The following DHRSX variants were observed in gnomAD, a reference collection of about 807,000 sequenced individuals.
DHRSX encodes the protein dehydrogenase/reductase X-linked, also known as polyprenol dehydrogenase.
In DHRSX, 31 loss-of-function variants were observed where a neutral mutation model predicts 34.0. That is an observed-to-expected ratio of 0.91 (90% CI 0.69 to 1.23). The LOEUF is 1.23. Among genes scored for constraint, DHRSX ranks in the 50% most tolerant of loss-of-function variants. The pLI is 0.00. For missense variants in DHRSX, 414 were observed against 428.1 expected, an observed-to-expected ratio of 0.97 and a Z score of 0.29; for synonymous variants, 201 against 183.8, an observed-to-expected ratio of 1.09 and a Z score of -0.76.
At position 2,412,671 on chromosome X, in the gene DHRSX, A is replaced by G. The variant is rs2043646776; in HGVS notation, c.218-3858T>C. On this transcript the variant is annotated intron_variant, in intron 2 of 6. Coordinates refer to ENST00000334651, the MANE Select transcript of DHRSX (RefSeq NM_145177.3). ...CAGCATGATTCACAAGAGCCAAGAT[A>G]TGAAACCAACCTAAGTGTCCATCTA... Among the ~76,000 whole-genome samples, 7 of 152,302 alleles carry G rather than the reference A, an allele frequency of 4.6e-5. 1 individual carries two copies. In the South Asian group the frequency reaches 1.5e-3, roughly 32 times the overall value.
chrX:2,439,143 T>A (rs1353987109), intron 1 of DHRSX, among the ~76,000 whole-genome samples: 1 of 147,084 alleles, frequency 6.8e-6, no homozygotes, highest in African/African-American at 2.5e-5. Context: ...GAGACTTTTT[T>A]GTCTCAAAAA....
intron 4 of DHRSX, among the ~76,000 whole-genome samples, chrX:2,274,272 A>T (rs2041595439): frequency 6.6e-6 from 1 of 151,802 alleles, no homozygotes; most frequent in African/African-American, 2.4e-5. Flanking sequence ...TCCTAATCTC[A>T]ACTGATCCTC....
At chrX:2,446,953 C>T (rs1020271263) in intron 1 of DHRSX, among the ~76,000 whole-genome samples, 3 of 151,858 alleles carry the variant, frequency 2.0e-5, no homozygotes, top group South Asian at 2.1e-4. Flanking sequence ...AAGCCATGTA[C>T]GCACTAAAGA....
chrX:2,399,978 G>T (rs931183194), intron 3 of DHRSX, among the ~76,000 whole-genome samples: 10 of 152,114 alleles, frequency 6.6e-5, no homozygotes, highest in Non-Finnish European at 1.5e-4. Context: ...TGAGGCTGCA[G>T]TGAGCTATGA....
At chrX:2,435,411 T>C (rs2043979796) in intron 1 of DHRSX, among the ~76,000 whole-genome samples, 3 of 151,950 alleles carry the variant, frequency 2.0e-5, no homozygotes, top group Non-Finnish European at 4.4e-5. Flanking sequence ...CTATTATTTC[T>C]TACAACTGCT....
chrX:2,386,127 A>G (rs991856978), intron 3 of DHRSX, among the ~76,000 whole-genome samples: 2 of 152,056 alleles, frequency 1.3e-5, no homozygotes, highest in East Asian at 1.9e-4. Flanking sequence ...ATTGTCCTTG[A>G]TGGTTTGGAA....
rs763780942 is a variant in DHRSX, at chrX:2,266,885, T to C, written c.451A>G (p.Asn151Asp). 2 of 1,613,940 alleles carry C rather than the reference T, an allele frequency of 1.2e-6. No individual in the cohort carries two copies. The highest frequency in any genetic ancestry group is 3.3e-5 in the Admixed American group (2 of 60,002). The part of the protein sequence containing the change: ...RDGFEEHFGL[N>D]YLGHFLLTNL... ...GTCAGCAGGAAGTGCCCTAGGTAGT[T>C]CAGGCCGAAATGTTCTTCGAATCCA... Residue 151 changes from asparagine (N) to aspartate (D), a missense_variant, in exon 5 of 7, where the codon AAC becomes GAC. By Grantham distance (23) the Asn-to-Asp change is conservative. Transcript: ENST00000334651.
intron 1 of DHRSX, among the ~76,000 whole-genome samples, chrX:2,469,203 A>G (rs1214803528): frequency 6.6e-6 from 1 of 151,360 alleles, no homozygotes; most frequent in Non-Finnish European, 1.5e-5. Context: ...ACGGCACTGA[A>G]GACTCGTTCC....
At chrX:2,425,705 T>C (rs1486860440) in intron 1 of DHRSX, among the ~76,000 whole-genome samples, 2 of 152,156 alleles carry the variant, frequency 1.3e-5, no homozygotes, top group Non-Finnish European at 2.9e-5. Flanking sequence ...ATGTAGACTT[T>C]ATTATGATGT....
At chrX:2,283,717 G>A (rs1376746175) in intron 4 of DHRSX, among the ~76,000 whole-genome samples, 2 of 152,148 alleles carry the variant, frequency 1.3e-5, no homozygotes, top group East Asian at 1.9e-4. Flanking sequence ...GTGCCCATTT[G>A]CTCATTTGAA....
At chrX:2,342,170 A>G (rs2042649329) in intron 3 of DHRSX, among the ~76,000 whole-genome samples, 1 of 152,086 alleles carries the variant, frequency 6.6e-6, no homozygotes, top group Non-Finnish European at 1.5e-5. Flanking sequence ...CCTTGTCAAG[A>G]TCAAAATTAA....
At chrX:2,490,300 T>G in intron 1 of DHRSX, 2 of 1,613,528 alleles carry the variant, frequency 1.2e-6, no homozygotes, top group Non-Finnish European at 1.7e-6. Context: ...CGATGGAGGC[T>G]GGGTACAGCC....
At chrX:2,476,243 A>C (rs1022658589) in intron 1 of DHRSX, among the ~76,000 whole-genome samples, 5 of 151,936 alleles carry the variant, frequency 3.3e-5, no homozygotes, top group African/African-American at 7.3e-5. Context: ...CACACACAAA[A>C]AAAAATTAGC....
chrX:2,450,467 A>G (rs2044201428), intron 1 of DHRSX, among the ~76,000 whole-genome samples: 1 of 152,144 alleles, frequency 6.6e-6, no homozygotes. Flanking sequence ...TGTCTCAAAA[A>G]AAAAGAATGT....
chrX:2,265,814 G>A (rs773464523), intron 5 of DHRSX, among the ~76,000 whole-genome samples: 1 of 140,982 alleles, frequency 7.1e-6, no homozygotes, highest in African/African-American at 2.7e-5. Context: ...CAGACGCAGG[G>A]AGCACTGTCC....
chrX:2,450,472 G>C (rs1260288748), intron 1 of DHRSX, among the ~76,000 whole-genome samples: 2 of 151,926 alleles, frequency 1.3e-5, no homozygotes, highest in Non-Finnish European at 2.9e-5. Context: ...CAAAAAAAAA[G>C]AATGTTAGAT....
chrX:2,377,485 A>G (rs2043154804), intron 3 of DHRSX, among the ~76,000 whole-genome samples: 1 of 152,050 alleles, frequency 6.6e-6, no homozygotes, highest in Non-Finnish European at 1.5e-5. Context: ...CTGATCTGAC[A>G]GGAGGTGACC....
intron 6 of DHRSX, among the ~76,000 whole-genome samples, chrX:2,227,333 G>C (rs191805945): frequency 1.3e-5 from 2 of 150,192 alleles, no homozygotes; most frequent in Non-Finnish European, 3.0e-5. Flanking sequence ...ATGGAAGGAA[G>C]AAAGAGAAGG....
chrX:2,432,615 C>T (rs182430004), intron 1 of DHRSX, among the ~76,000 whole-genome samples: 2 of 152,134 alleles, frequency 1.3e-5, no homozygotes, highest in African/African-American at 2.4e-5. Context: ...TTTAATAAAC[C>T]GTGTTGGGGC....
Sources: allele counts gnomAD v4.1 joint callset (sites outside exome capture counted in the v4.1 genomes callset), GRCh38; gene constraint gnomAD v4.1.1; transcripts MANE v1.5; gene names NCBI Gene and HGNC (gene_info 2026-07-23, HGNC 2026-07-21).